Variants in SEL1L2 observed in about 807,000 individuals in gnomAD.
SEL1L2 encodes the protein protein sel-1 homolog 2.
A neutral mutation model predicts 98.8 loss-of-function variants in SEL1L2; 89 were observed. The ratio of observed to expected loss-of-function variants is 0.90; its 90% CI spans 0.76 to 1.07. The LOEUF (loss-of-function observed/expected upper bound fraction) is 1.07. SEL1L2 is among the 50% of genes least tolerant of loss of function. SEL1L2 has a pLI of 0.00. For missense variants in SEL1L2, 788 were observed against 812.0 expected, an observed-to-expected ratio of 0.97 and a Z score of 0.36; for synonymous variants, 262 against 278.5, an observed-to-expected ratio of 0.94 and a Z score of 0.59.
In SEL1L2 at chr20:13,983,023, C is replaced by CAAAAAAAA. The variant is rs57993052; in HGVS notation, c.58+7446_58+7453dup. On this transcript the variant is annotated intron_variant, in intron 1 of 19. Transcript: ENST00000284951. ...TGGGCAACAGAGCAAGACTCCATCT[C>CAAAAAAAA]AAAAAAAAAAAAAAAAAAAAAAAAA... is the stretch of plus-strand genomic sequence containing the variant. Among the ~76,000 whole-genome samples, 73 of 15,558 alleles carry CAAAAAAAA rather than the reference C, an allele frequency of 4.7e-3. 9 individuals carry two copies. The highest frequency in any genetic ancestry group is 0.012 in the East Asian group (7 of 568). 10.2% of individuals were successfully genotyped at this position (15,558 alleles called of 152,430 possible).
At position 13,931,681 on chromosome 20, in the gene SEL1L2, C is replaced by T; in HGVS notation, c.205G>A (p.Glu69Lys). Residue 69 changes from glutamate to lysine, a missense_variant, in exon 3 of 20, where the codon GAG becomes AAG. Glu to Lys is a moderately conservative substitution (Grantham distance 56). Coordinates refer to ENST00000284951, the MANE Select transcript of SEL1L2 (RefSeq NM_025229.2). ...ATTTTACGTTGATTCTTCTTTTTCTCCAGGAGATTTTCTCTTTTATTGATT... is the reference window on the plus strand; with the variant it reads ...ATTTTACGTTGATTCTTCTTTTTCTTCAGGAGATTTTCTCTTTTATTGATT... ...NVINKRENLL[E>K]KKKNQRKIRI... 1 of 1,549,522 alleles carries T rather than the reference C, an allele frequency of 6.5e-7. No homozygotes were observed.
At chr20:13,943,695 G>T (rs903729721) in intron 2 of SEL1L2, among the ~76,000 whole-genome samples, 4 of 152,094 alleles carry the variant, frequency 2.6e-5, no homozygotes, top group African/African-American at 9.7e-5. Flanking sequence ...AGTTTCCTTT[G>T]GGGGAGTCAA....
chr20:13,919,164 T>C, intron 3 of SEL1L2, 41 bp from the exon 4 acceptor site: 1 of 1,153,810 alleles, frequency 8.7e-7, no homozygotes, highest in Admixed American at 2.1e-5. Flanking sequence ...ATATTACTTC[T>C]ATGTTCCATA....
intron 1 of SEL1L2, among the ~76,000 whole-genome samples, chr20:13,980,983 C>T (rs2051796660): frequency 6.6e-6 from 1 of 152,182 alleles, no homozygotes; most frequent in Admixed American, 6.5e-5. Flanking sequence ...TGGCTTACGC[C>T]TGTAATCCCA....
At chr20:13,906,431 A>T (rs2047932743) in intron 5 of SEL1L2, among the ~76,000 whole-genome samples, 1 of 152,174 alleles carries the variant, frequency 6.6e-6, no homozygotes, top group South Asian at 2.1e-4. Flanking sequence ...GCTCGAAAGC[A>T]CCTGTGATCA....
intron 1 of SEL1L2, among the ~76,000 whole-genome samples, chr20:13,964,674 G>A (rs3117488): frequency 6.6e-6 from 1 of 151,820 alleles, no homozygotes; most frequent in Non-Finnish European, 1.5e-5. Context: ...CTGGTCTCAA[G>A]CTCCCGAGAC....
intron 6 of SEL1L2, 96 bp downstream of exon 6, chr20:13,888,363 A>G: frequency 1.2e-6 from 1 of 802,864 alleles, no homozygotes; most frequent in South Asian, 1.6e-5. Context: ...CAACTACTAC[A>G]CTAGAGTGAG....
At chr20:13,956,922 G>C (rs2050567575) in intron 1 of SEL1L2, among the ~76,000 whole-genome samples, 1 of 151,572 alleles carries the variant, frequency 6.6e-6, no homozygotes, top group South Asian at 2.1e-4. Flanking sequence ...ATATGTTTTG[G>C]GAAGTAAAAA....
At chr20:13,907,734 CTTTCTTTCTTTCT>C (rs1335463675) in intron 5 of SEL1L2, among the ~76,000 whole-genome samples, 6 of 109,374 alleles carry the variant, frequency 5.5e-5, no homozygotes, top group African/African-American at 1.1e-4. Flanking sequence ...TTCTTTCTTT[CTTTCTTTCTTTCT>C]TTTCTTTTCT....
At chr20:13,899,308 A>G (rs1248780700) in intron 5 of SEL1L2, among the ~76,000 whole-genome samples, 1 of 152,054 alleles carries the variant, frequency 6.6e-6, no homozygotes. Context: ...GTTTGCTATT[A>G]TATATTACAT....
intron 10 of SEL1L2, among the ~76,000 whole-genome samples, chr20:13,881,781 T>C (rs1385745212): frequency 6.6e-6 from 1 of 152,204 alleles, no homozygotes; most frequent in Non-Finnish European, 1.5e-5. Context: ...TGGAGCATCA[T>C]ATTTAAAGAG....
Position 13,849,459 on chromosome 20 carries a change from G to T in SEL1L2, c.*26C>A. ...TACCTTGGAGTGAACTGATTCCCGT[G>T]AGCAGGTTTTCCTGTGATCCGCATC... On this transcript the variant is annotated 3_prime_UTR_variant, in exon 20 of 20. Coordinates refer to ENST00000284951, the MANE Select transcript of SEL1L2 (RefSeq NM_025229.2). 6.2e-7 allele frequency: 1 copy of T among 1,612,054 alleles called. No individual in the cohort carries two copies. The highest frequency in any genetic ancestry group is 1.1e-5 in the South Asian group (1 of 90,832).
At position 13,866,646 on chromosome 20, in the gene SEL1L2, C is replaced by A. The variant is rs1024423687; in HGVS notation, c.1404+56G>T. On this transcript the variant is annotated intron_variant, in intron 15 of 19. Transcript: ENST00000284951. Reference sequence around the variant, plus strand: ...CACCAACAATTTAAGAACAGTATCACCTCCTCTGTGTCATATATGACAAGT... The same window carrying A: ...CACCAACAATTTAAGAACAGTATCAACTCCTCTGTGTCATATATGACAAGT... The A allele has an allele frequency of 3.7e-6, 5 of 1,351,006 alleles. No homozygotes were observed. The East Asian group carries it at 1.1e-4, about 29-fold the overall frequency. The allele number at this position is 1,351,006 out of a possible 1,614,324, so 83.7% of individuals were successfully genotyped here. A position where few individuals can be genotyped will look rare whatever the true frequency, so the allele number is the denominator to read the frequency against.
chr20:13,915,310 A>G (rs2048357256), intron 4 of SEL1L2: 7 of 1,171,246 alleles, frequency 6.0e-6, no homozygotes, highest in Admixed American at 5.3e-5. Context: ...AGTTCAGGAG[A>G]TCAAGAAAGA....
intron 5 of SEL1L2, among the ~76,000 whole-genome samples, chr20:13,898,247 T>C (rs1274440834): frequency 6.6e-6 from 1 of 152,146 alleles, no homozygotes; most frequent in Non-Finnish European, 1.5e-5. Flanking sequence ...TCCTAACCCC[T>C]GTCCTGTGCA....
At chr20:13,905,789 T>C (rs898640688) in intron 5 of SEL1L2, among the ~76,000 whole-genome samples, 3 of 151,642 alleles carry the variant, frequency 2.0e-5, no homozygotes, top group African/African-American at 7.3e-5. Flanking sequence ...TACATAATAG[T>C]GATGATACCA....
chr20:13,967,634 TG>T (rs936771109), intron 1 of SEL1L2, among the ~76,000 whole-genome samples: 2 of 152,198 alleles, frequency 1.3e-5, no homozygotes, highest in Non-Finnish European at 2.9e-5. Context: ...CAACTGGTTC[TG>T]TCTGGCATTA....
At position 13,865,207 on chromosome 20, in the gene SEL1L2, A is replaced by G. The variant is rs1456072119; in HGVS notation, c.1605T>C (p.Tyr535=). ...GATTCCATAGGAGAAGCGCCATTGG[A>G]TACATCTTCTCTTTTTCAAGAATGT... is the stretch of plus-strand genomic sequence containing the variant. The part of the protein sequence containing the change: ...KANILEKEKM[Y]PMALLLWNRA... The change falls in exon 17 of 20, where the codon TAT becomes TAC. Residue 535 remains tyrosine, a synonymous_variant. Coordinates refer to ENST00000284951, the MANE Select transcript of SEL1L2 (RefSeq NM_025229.2). 1 of 1,613,800 alleles carries G rather than the reference A, an allele frequency of 6.2e-7. No individual in the cohort carries two copies. The highest frequency in any genetic ancestry group is 8.5e-7 in the Non-Finnish European group (1 of 1,179,758).
At chr20:13,885,108 T>C (rs1468097582) in intron 10 of SEL1L2, among the ~76,000 whole-genome samples, 1 of 152,120 alleles carries the variant, frequency 6.6e-6, no homozygotes, top group Non-Finnish European at 1.5e-5. Flanking sequence ...GATACCCCCC[T>C]GCCTCGATTG....
Sources: gnomAD v4.1 joint callset for allele counts (sites outside exome capture counted in the v4.1 genomes callset) on GRCh38, gnomAD v4.1.1 for gene constraint, MANE v1.5 for transcripts, NCBI Gene and HGNC (gene_info 2026-07-23, HGNC 2026-07-21) for gene names.